Variants in LRRC4C observed in about 807,000 individuals in gnomAD.
The protein encoded by LRRC4C is leucine-rich repeat-containing protein 4C.
A neutral mutation model predicts 33.6 loss-of-function variants in LRRC4C; 5 were observed. The ratio of observed to expected loss-of-function variants is 0.15; its 90% CI spans 0.08 to 0.31. LRRC4C has a LOEUF of 0.31. Ranked by LOEUF, LRRC4C falls within the 10% of genes least tolerant of loss-of-function variation. LRRC4C has a pLI of 1.00. For missense variants in LRRC4C, 560 were observed against 796.7 expected (o/e 0.70, Z 3.58); for synonymous variants, 329 against 302.0 (o/e 1.09, Z -0.93).
chr11:40,200,629 A>G (rs1047128385), intron 5 of LRRC4C, among the ~76,000 whole-genome samples: 29 of 151,800 alleles, frequency 1.9e-4, no homozygotes, highest in Admixed American at 1.4e-3. Context: ...ATCTCAATAA[A>G]CATGCCTTTC....
intron 1 of LRRC4C, among the ~76,000 whole-genome samples, chr11:41,329,932 C>T (rs545602571): frequency 2.8e-4 from 42 of 152,322 alleles, no homozygotes; most frequent in Non-Finnish European, 5.1e-4. Context: ...CATTATCTAA[C>T]ACTGGACCTT....
intron 1 of LRRC4C, among the ~76,000 whole-genome samples, chr11:41,349,522 G>A (rs1406755824): frequency 6.6e-6 from 1 of 151,972 alleles, no homozygotes; most frequent in East Asian, 1.9e-4. Flanking sequence ...CAGCCCCTCA[G>A]GGTTCGAGCA....
intron 2 of LRRC4C, among the ~76,000 whole-genome samples, chr11:40,871,615 C>T (rs1026205686): frequency 3.3e-5 from 5 of 152,042 alleles, no homozygotes; most frequent in African/African-American, 7.2e-5. Context: ...ACAGACAAAG[C>T]GTCACTTCCA....
At chr11:40,935,002 C>T (rs763343728) in intron 1 of LRRC4C, among the ~76,000 whole-genome samples, 14 of 152,108 alleles carry the variant, frequency 9.2e-5, no homozygotes, top group Admixed American at 3.3e-4. Flanking sequence ...TATTCTTTCC[C>T]TCCTTAATTT....
intron 4 of LRRC4C, among the ~76,000 whole-genome samples, chr11:40,313,638 C>T (rs1489479359): frequency 1.5e-5 from 2 of 131,186 alleles, no homozygotes; most frequent in African/African-American, 3.0e-5. Context: ...GATGGAGTCT[C>T]GCTCTATCAC....
intron 1 of LRRC4C, among the ~76,000 whole-genome samples, chr11:41,207,581 A>G (rs1178372347): frequency 1.3e-5 from 2 of 151,408 alleles, no homozygotes; most frequent in Admixed American, 1.3e-4. Flanking sequence ...CCTCCCACCC[A>G]TCTCCTCCAC....
chr11:40,184,154 C>T (rs1038156280), intron 5 of LRRC4C, among the ~76,000 whole-genome samples: 4 of 152,100 alleles, frequency 2.6e-5, no homozygotes, highest in Non-Finnish European at 2.9e-5. Context: ...GACTGTTGTC[C>T]ACTCAAAGGT....
chr11:41,162,389 A>G (rs1261892533), intron 1 of LRRC4C, among the ~76,000 whole-genome samples: 1 of 152,140 alleles, frequency 6.6e-6, no homozygotes. Context: ...TTATTTACTG[A>G]ACTTGCTCAG....
chr11:40,991,654 G>A (rs1452759242), intron 1 of LRRC4C, among the ~76,000 whole-genome samples: 3 of 152,194 alleles, frequency 2.0e-5, no homozygotes, highest in Admixed American at 1.3e-4. Context: ...CCCATCTGGG[G>A]GTGATGGGAG....
chr11:40,141,435 A>T (rs2061903342), intron 5 of LRRC4C, among the ~76,000 whole-genome samples: 1 of 152,188 alleles, frequency 6.6e-6, no homozygotes, highest in South Asian at 2.1e-4. Context: ...AGGGCCATGT[A>T]CAGTACTTAA....
chr11:40,858,803 G>A (rs144712158), intron 2 of LRRC4C, among the ~76,000 whole-genome samples: 6 of 149,800 alleles, frequency 4.0e-5, no homozygotes, highest in Admixed American at 2.0e-4. Context: ...GTGTCAAACC[G>A]AAAGCCTTAC....
chr11:41,419,350 A>G (rs1023840092), intron 1 of LRRC4C, among the ~76,000 whole-genome samples: 4 of 151,914 alleles, frequency 2.6e-5, no homozygotes, highest in Non-Finnish European at 5.9e-5. Flanking sequence ...TCCTTCCTCA[A>G]GAGAGTGAAT....
At chr11:40,259,733 G>A (rs1237462092) in intron 4 of LRRC4C, among the ~76,000 whole-genome samples, 9 of 151,906 alleles carry the variant, frequency 5.9e-5, no homozygotes, top group East Asian at 1.9e-4. Context: ...GATATGCGGC[G>A]TTATTTCTGA....
chr11:40,538,427 C>A (rs1277806557), intron 3 of LRRC4C, among the ~76,000 whole-genome samples: 1 of 152,142 alleles, frequency 6.6e-6, no homozygotes, highest in African/African-American at 2.4e-5. Context: ...ATGATGGTTT[C>A]CAGCTTCATC....
At chr11:40,861,785 A>C (rs1258266193) in intron 2 of LRRC4C, among the ~76,000 whole-genome samples, 1 of 152,218 alleles carries the variant, frequency 6.6e-6, no homozygotes, top group Non-Finnish European at 1.5e-5. Flanking sequence ...TGAGGACCTC[A>C]GGAAGTTTCC....
At chr11:41,419,051 T>C (rs752576524) in intron 1 of LRRC4C, among the ~76,000 whole-genome samples, 5 of 151,962 alleles carry the variant, frequency 3.3e-5, no homozygotes, top group Non-Finnish European at 7.4e-5. Context: ...GGCTTGGTCT[T>C]AAGCTGAAAC....
intron 6 of LRRC4C, among the ~76,000 whole-genome samples, chr11:40,140,324 C>A (rs777677535): frequency 6.6e-6 from 1 of 152,108 alleles, no homozygotes. Context: ...AAGGTAAATA[C>A]GTTTATGTGT....
At chr11:40,803,735 A>C (rs891294383) in intron 2 of LRRC4C, among the ~76,000 whole-genome samples, 17 of 152,084 alleles carry the variant, frequency 1.1e-4, no homozygotes, top group Non-Finnish European at 1.8e-4. Context: ...GGCCTCCCAA[A>C]GTGCTGGGAT....
At chr11:41,433,915 T>C (rs1255395572) in intron 1 of LRRC4C, among the ~76,000 whole-genome samples, 2 of 152,068 alleles carry the variant, frequency 1.3e-5, no homozygotes, top group Non-Finnish European at 2.9e-5. Flanking sequence ...TTTTTAAAAG[T>C]TGCTCCCACT....
Sources: allele counts gnomAD v4.1 joint callset (sites outside exome capture counted in the v4.1 genomes callset), GRCh38; gene constraint gnomAD v4.1.1; transcripts MANE v1.5; gene names NCBI Gene and HGNC (gene_info 2026-07-23, HGNC 2026-07-21).